The following BCL11A variants were observed in gnomAD, a reference collection of about 807,000 sequenced individuals.
BCL11A encodes the protein BCL11 transcription factor A, also known as B cell CLL/lymphoma 11A.
In BCL11A, 2 loss-of-function variants were observed where a neutral mutation model predicts 55.9. That is an observed-to-expected ratio of 0.04 (90% CI 0.01 to 0.11). BCL11A has a LOEUF of 0.11. Among genes scored for constraint, BCL11A ranks in the 10% least tolerant of loss-of-function variants. BCL11A has a pLI of 1.00. For synonymous variants in BCL11A, 465 were observed against 473.4 expected, an observed-to-expected ratio of 0.98 and a Z score of 0.23; for missense variants, 817 against 1,137.1, an observed-to-expected ratio of 0.72 and a Z score of 4.05.
intron 2 of BCL11A, chr2:60,533,085 T>A (rs1669529041): frequency 6.6e-6 from 1 of 152,244 alleles, no homozygotes; most frequent in Admixed American, 6.5e-5. Flanking sequence ...CACTTTTGAC[T>A]TACCATTATG....
intron 2 of BCL11A, among the ~76,000 whole-genome samples, chr2:60,521,067 GCACACACACA>G (rs58564312): frequency 5.9e-5 from 7 of 117,652 alleles, no homozygotes; most frequent in African/African-American, 1.1e-4. Flanking sequence ...CTAGTGGTCA[GCACACACACA>G]CACACACACA....
intron 2 of BCL11A, among the ~76,000 whole-genome samples, chr2:60,469,673 T>C (rs1677091579): frequency 6.6e-6 from 1 of 152,208 alleles, no homozygotes; most frequent in East Asian, 1.9e-4. Flanking sequence ...ATGAATCTAA[T>C]AGTCAATGAA....
chr2:60,460,709 A>G lies in BCL11A; in HGVS notation c.2203T>C (p.Ser735Pro), dbSNP rs1295700904. The G allele has an allele frequency of 6.2e-7, 1 of 1,613,952 alleles. No individual in the cohort carries two copies. The highest frequency in any genetic ancestry group is 8.5e-7 in the Non-Finnish European group (1 of 1,180,024). Residue 735 changes from serine (S) to proline (P), a missense_variant, in exon 4 of 4, where the codon TCA becomes CCA. By Grantham distance (74) the Ser-to-Pro change is moderately conservative. Around this residue, in one of 4 missense-constraint regions of BCL11A, gnomAD observed 379 missense variants for 425.3 expected, o/e 0.89. Coordinates refer to ENST00000642384, the MANE Select transcript of BCL11A (RefSeq NM_022893.4). ...ISGPGPGRPS[S>P]KEGRRSDTCE... ...GTGTCGCTGCGTCTGCCCTCTTTTG[A>G]GCTGGGCCTGCCCGGGCCCGGACCA...
intron 2 of BCL11A, among the ~76,000 whole-genome samples, chr2:60,490,088 C>A (rs767357453): frequency 1.1e-4 from 17 of 152,172 alleles, no homozygotes; most frequent in Admixed American, 8.5e-4. Context: ...TTTAAACAGT[C>A]CTCTATATTA....
In BCL11A at chr2:60,546,617, T is replaced by G. The variant is rs1670171811; in HGVS notation, c.56-317A>C. ...AACAAATGTGTCTGGTTTGTAAGTT[T>G]AGAAAGAATGCTACTTAAATAGTTA... is the stretch of plus-strand genomic sequence containing the variant. On this transcript the variant is annotated intron_variant, in intron 1 of 3. Transcript: ENST00000642384. This position sits in a 1 kb window ranked among gnomAD's most constrained non-coding sequence, Gnocchi z 4.1. Among the ~76,000 whole-genome samples the G allele has an allele frequency of 6.6e-6, 1 of 152,118 alleles. No homozygotes were observed. The highest frequency in any genetic ancestry group is 1.5e-5 in the Non-Finnish European group (1 of 68,018).
At chr2:60,538,341 C>G (rs1669763883) in intron 2 of BCL11A, 1 of 152,252 alleles carries the variant, frequency 6.6e-6, no homozygotes, top group African/African-American at 2.4e-5. Context: ...GCAACCTGTG[C>G]AGGTAAATCT....
rs1297281868 is a variant in BCL11A at position 60,457,434 on chromosome 2, A to G, written c.*2970T>C. 1 of 1,035,710 alleles carries G rather than the reference A, an allele frequency of 9.7e-7. No homozygotes were observed. The highest frequency in any genetic ancestry group is 1.2e-6 in the Non-Finnish European group (1 of 859,018). 64.2% of individuals were successfully genotyped at this position (1,035,710 alleles called of 1,614,324 possible). ...AGTGCCTCTGTTTTGAACAGGGCAC[A>G]TAAGCAATAATAAATAGTGACTCCC... On this transcript the variant is annotated 3_prime_UTR_variant, in exon 4 of 4. Transcript: ENST00000642384.
At chr2:60,522,016 C>T (rs1283909550) in intron 2 of BCL11A, 1 of 152,364 alleles carries the variant, frequency 6.6e-6, no homozygotes, top group African/African-American at 2.4e-5. Context: ...CCATAGGACA[C>T]TTGTCCCCTT....
chr2:60,552,143 G>A (rs1670437701), intron 1 of BCL11A, among the ~76,000 whole-genome samples: 1 of 151,944 alleles, frequency 6.6e-6, no homozygotes, highest in African/African-American at 2.4e-5. Context: ...TTTGCAGGGG[G>A]GCTGGTGGGG....
chr2:60,537,196 C>T (rs1223758331), intron 2 of BCL11A: 2 of 152,010 alleles, frequency 1.3e-5, no homozygotes, highest in African/African-American at 4.8e-5. Flanking sequence ...AAAAACATAA[C>T]ATGAGAAGGT....
chr2:60,460,448 A>AT lies in BCL11A; in HGVS notation c.2463dup (p.Trp822MetfsTer4). 1.2e-6 allele frequency: 2 copies of AT among 1,608,016 alleles called. No homozygotes were observed. The highest frequency in any genetic ancestry group is 1.7e-6 in the Non-Finnish European group (2 of 1,174,978). ...TTATTCAACACTCGATCACTGTGCC[A>AT]TTTTTTCATGTGTTTCTCCAGGGTA... On this transcript the variant is annotated frameshift_variant, in exon 4 of 4. Transcript: ENST00000642384. LOFTEE classifies it high-confidence loss of function.
rs1487069253 is a variant in BCL11A at position 60,546,141 on chromosome 2, T to C, written c.215A>G (p.Asn72Ser). The change falls in exon 2 of 4, where the codon AAT becomes AGT. Residue 72 changes from asparagine (N) to serine (S), a missense_variant. Transcript: ENST00000642384. The surrounding 1 kb of genome is among the most constrained non-coding windows in gnomAD (Gnocchi z 4.1). ...AGCTTTTTCTAAGCAGAGGCTGCCA[T>C]TGCATTGTTTCCGTTTGTGCTCGAT... ...IFIEHKRKQC[N>S]GSLCLEKAVD... 3 of 1,614,238 alleles carry C rather than the reference T, an allele frequency of 1.9e-6. No homozygotes were observed. The highest frequency in any genetic ancestry group is 2.5e-6 in the Non-Finnish European group (3 of 1,180,032).
intron 2 of BCL11A, among the ~76,000 whole-genome samples, chr2:60,493,159 A>C (rs1209194078): frequency 6.9e-6 from 1 of 143,910 alleles, no homozygotes; most frequent in Non-Finnish European, 1.5e-5. Flanking sequence ...GGAGTGTGTT[A>C]CTCTTTCATT....
chr2:60,485,142 A>G (rs1678198600), intron 2 of BCL11A, among the ~76,000 whole-genome samples: 3 of 152,230 alleles, frequency 2.0e-5, no homozygotes, highest in African/African-American at 7.2e-5. Flanking sequence ...CCAGTGCCTA[A>G]TTTCCTAAAC....
intron 1 of BCL11A, chr2:60,550,782 G>A: frequency 2.5e-6 from 1 of 398,976 alleles, no homozygotes; most frequent in Non-Finnish European, 4.4e-6. Context: ...GCCCCGGTCT[G>A]TCCTTTGAGC....
chr2:60,504,443 A>G (rs1679460849), intron 2 of BCL11A, among the ~76,000 whole-genome samples: 1 of 152,180 alleles, frequency 6.6e-6, no homozygotes. Context: ...TGCTCTCCCA[A>G]AGAAGGAATA....
intron 2 of BCL11A, among the ~76,000 whole-genome samples, chr2:60,541,276 CA>C (rs1669915614): frequency 2.6e-5 from 4 of 152,204 alleles, no homozygotes; most frequent in South Asian, 2.1e-4. Context: ...TGTGTCACCA[CA>C]AGGGTAATGT....
chr2:60,462,710 A>G (rs1234834892), intron 3 of BCL11A, among the ~76,000 whole-genome samples: 1 of 152,230 alleles, frequency 6.6e-6, no homozygotes, highest in Non-Finnish European at 1.5e-5. Context: ...AGGTCCCTAC[A>G]TTCTAGGCAC....
At position 60,462,407 on chromosome 2, in the gene BCL11A, T is replaced by C; in HGVS notation, c.505A>G (p.Ser169Gly). 1 of 1,605,508 alleles carries C rather than the reference T, an allele frequency of 6.2e-7. No individual in the cohort carries two copies. Among genetic ancestry groups the C allele is most frequent in the Non-Finnish European group, 8.5e-7 (1 of 1,175,624 alleles). ...PQGICKDEPSSYTCTTCKQPF... is the reference protein window; with the variant it reads ...PQGICKDEPSGYTCTTCKQPF... ...TGTTTGCAAGTTGTACATGTGTAGC[T>C]GCTGGGCTCATCTTTACCTGCAAAA... The change falls in exon 4 of 4, where the codon AGC (serine) becomes GGC (glycine). Residue 169 changes from serine (S) to glycine (G), a missense_variant. Physicochemically the swap from Ser to Gly is moderately conservative, Grantham distance 56 (BLOSUM62 0). Around this residue, in one of 4 missense-constraint regions of BCL11A, gnomAD observed 363 missense variants for 486.6 expected, o/e 0.75. Transcript: ENST00000642384.
Sources: allele counts gnomAD v4.1 joint callset (sites outside exome capture counted in the v4.1 genomes callset), GRCh38; gene constraint gnomAD v4.1.1; regional missense constraint gnomAD v4.1.1; non-coding constraint Gnocchi (gnomAD v3.1); transcripts MANE v1.5; gene names NCBI Gene and HGNC (gene_info 2026-07-23, HGNC 2026-07-21).